CUX1: variants seen among roughly 807,000 people sequenced by gnomAD.
CUX1 encodes cut like homeobox 1.
In CUX1, 31 loss-of-function variants were observed where a neutral mutation model predicts 158.8. The observed-to-expected ratio is 0.20, with a 90% CI of 0.15 to 0.26. The LOEUF (loss-of-function observed/expected upper bound fraction) is 0.26. CUX1 is among the 10% of genes least tolerant of loss of function. The pLI is 1.00. For missense variants in CUX1, 1,589 were observed against 2,014.6 expected (o/e 0.79, Z 4.04); for synonymous variants, 879 against 862.1 (o/e 1.02, Z -0.34).
intron 9 of CUX1, among the ~76,000 whole-genome samples, chr7:102,162,766 T>G (rs1790590247): frequency 6.6e-6 from 1 of 152,176 alleles, no homozygotes; most frequent in Non-Finnish European, 1.5e-5. Flanking sequence ...TCCACCCACC[T>G]CTGCCTCCCA....
exon 23 of CUX1, chr7:102,283,153 T>G: frequency 3.0e-6 from 4 of 1,335,600 alleles, no homozygotes; most frequent in Non-Finnish European, 4.3e-6. Context: ...TCAGTGCATC[T>G]AATCACTTAG....
chr7:101,904,094 A>G (rs1184883850), intron 1 of CUX1, among the ~76,000 whole-genome samples: 3 of 150,364 alleles, frequency 2.0e-5, no homozygotes, highest in African/African-American at 7.4e-5. Context: ...CAGGAGTAAC[A>G]TGGCAAAACC....
chr7:101,924,183 A>G (rs1461295793), intron 2 of CUX1, among the ~76,000 whole-genome samples: 3 of 151,904 alleles, frequency 2.0e-5, no homozygotes, highest in Admixed American at 6.6e-5. Context: ...GGATGGGAAG[A>G]TGCTGTGAAC....
chr7:102,218,990 C>A (rs1389042570), intron 20 of CUX1, among the ~76,000 whole-genome samples: 1 of 150,366 alleles, frequency 6.7e-6, no homozygotes, highest in African/African-American at 2.4e-5. Flanking sequence ...GAGGCAGAGG[C>A]TGCAGTGAGC....
At position 102,256,145 on chromosome 7, in the gene CUX1, C is replaced by T. The variant is rs1789871423; in HGVS notation, c.*7103C>T. On this transcript the variant is annotated 3_prime_UTR_variant, in exon 24 of 24. Coordinates refer to ENST00000292535, the MANE Select transcript of CUX1 (RefSeq NM_181552.4). ...GCGGGCTCTGGCCGGAGCCGCTGGC[C>T]TGACGAGGCAGGATAGGGAGTATCC... The T allele has an allele frequency of 1.0e-6, 1 of 985,314 alleles. No individual in the cohort carries two copies. The highest frequency in any genetic ancestry group is 1.2e-6 in the Non-Finnish European group (1 of 829,948). The allele number at this position is 985,314 out of a possible 1,614,324, so 61.0% of individuals were successfully genotyped here.
In CUX1 at chr7:102,274,709, G is replaced by A. The variant is rs184042422; in HGVS notation, c.1450+399G>A. Among the ~76,000 whole-genome samples the A allele has an allele frequency of 1.3e-3, 194 of 152,330 alleles. 1 individual carries two copies. Among genetic ancestry groups the A allele is most frequent in the African/African-American group, 4.3e-3 (180 of 41,578 alleles). ...GGGGCCCTGACCCTTCAGCCCTGCC[G>A]GTGGCCTGTGAAAGGCTGGTGAGTG... On this transcript the variant is annotated intron_variant, in intron 16 of 22. Transcript: ENST00000292538.
At chr7:102,222,501 A>C (rs1366586954) in intron 20 of CUX1, among the ~76,000 whole-genome samples, 1 of 152,076 alleles carries the variant, frequency 6.6e-6, no homozygotes, top group African/African-American at 2.4e-5. Flanking sequence ...GACCATTGGG[A>C]GAATTGAATG....
At chr7:102,130,910 A>C (rs1185028600) in intron 8 of CUX1, among the ~76,000 whole-genome samples, 2 of 151,934 alleles carry the variant, frequency 1.3e-5, no homozygotes, top group African/African-American at 4.8e-5. Context: ...GCACTTTGGG[A>C]GACTGTGGTG....
intron 11 of CUX1, 72 bp downstream of exon 11, chr7:102,178,729 C>A: frequency 6.9e-7 from 1 of 1,448,526 alleles, no homozygotes; most frequent in South Asian, 1.3e-5. Flanking sequence ...CGCACACACA[C>A]ACCCTCTGCC....
chr7:102,134,379 A>G (rs1294428749), intron 8 of CUX1, among the ~76,000 whole-genome samples: 1 of 152,186 alleles, frequency 6.6e-6, no homozygotes, highest in Non-Finnish European at 1.5e-5. Context: ...GCACTTCAAA[A>G]TAATTGTTTT....
chr7:102,111,707 GGAGACACA>G lies in CUX1; in HGVS notation c.543_550del (p.Glu181AspfsTer11). The stretch of plus-strand genomic sequence containing the variant: ...TCCTCTTCCTTTGCAGAAAGCTGCA[GGAGACACA>G]GATGTCCACCACCTCAAAGCTGGAG... On this transcript the variant is annotated frameshift_variant, in exon 7 of 24. Transcript: ENST00000292535. LOFTEE classifies it high-confidence loss of function. 1 of 1,614,190 alleles carries G rather than the reference GGAGACACA, an allele frequency of 6.2e-7. No individual in the cohort carries two copies. The highest frequency in any genetic ancestry group is 8.5e-7 in the Non-Finnish European group (1 of 1,180,022).
chr7:101,861,205 T>G (rs1797427800), intron 1 of CUX1, among the ~76,000 whole-genome samples: 1 of 152,200 alleles, frequency 6.6e-6, no homozygotes, highest in South Asian at 2.1e-4. Context: ...TGTCTGCTGG[T>G]CGCAGGAATT....
intron 19 of CUX1, among the ~76,000 whole-genome samples, chr7:102,280,358 G>C (rs1398432465): frequency 6.6e-6 from 1 of 152,178 alleles, no homozygotes; most frequent in Admixed American, 6.5e-5. Flanking sequence ...TGTAGGCCCA[G>C]GGCCCATTCA....
chr7:101,825,805 G>A (rs1367272374), intron 1 of CUX1, among the ~76,000 whole-genome samples: 5 of 138,864 alleles, frequency 3.6e-5, no homozygotes, highest in East Asian at 2.0e-4. Flanking sequence ...GTGTGCGCGC[G>A]CGCGCGCAGT....
At chr7:101,879,104 A>C (rs1799452441) in intron 1 of CUX1, among the ~76,000 whole-genome samples, 1 of 152,240 alleles carries the variant, frequency 6.6e-6, no homozygotes, top group Non-Finnish European at 1.5e-5. Context: ...AATATGCCTA[A>C]GTAGCTGAAA....
chr7:102,040,434 A>G (rs1238839982), intron 3 of CUX1, among the ~76,000 whole-genome samples: 4 of 152,200 alleles, frequency 2.6e-5, no homozygotes. Context: ...GGCCCGGGTC[A>G]TGCCAGGGCC....
At chr7:102,172,983 C>G (rs1791898560) in intron 10 of CUX1, among the ~76,000 whole-genome samples, 1 of 152,020 alleles carries the variant, frequency 6.6e-6, no homozygotes, top group African/African-American at 2.4e-5. Flanking sequence ...ATTGCTTGAA[C>G]CCAAGAGGCA....
chr7:102,113,775 A>C (rs1554491022), intron 7 of CUX1, among the ~76,000 whole-genome samples: 2 of 151,980 alleles, frequency 1.3e-5, no homozygotes, highest in African/African-American at 2.4e-5. Flanking sequence ...TGTGTTGCCC[A>C]GGCTGGTCTT....
At chr7:102,076,552 C>T (rs148251621) in intron 4 of CUX1, among the ~76,000 whole-genome samples, 73 of 152,048 alleles carry the variant, frequency 4.8e-4, no homozygotes, top group Middle Eastern at 3.4e-3. Context: ...GTCAGTTTCG[C>T]GAGTACTATC....
Sources: gnomAD v4.1 joint callset for allele counts (sites outside exome capture counted in the v4.1 genomes callset) on GRCh38, gnomAD v4.1.1 for gene constraint, MANE v1.5 for transcripts, NCBI Gene and HGNC (gene_info 2026-07-23, HGNC 2026-07-21) for gene names.